Variants in ARID5B observed in about 807,000 individuals in gnomAD.
ARID5B encodes AT-rich interaction domain 5B.
In ARID5B, 13 loss-of-function variants were observed where a neutral mutation model predicts 97.2. The observed-to-expected ratio is 0.13, with a 90% confidence interval of 0.09 to 0.21. The LOEUF is 0.21. Among genes scored for constraint, ARID5B ranks in the 10% least tolerant of loss-of-function variants. ARID5B has a pLI of 1.00. For missense variants in ARID5B, 1,210 were observed against 1,465.3 expected (o/e 0.83, Z 2.84); for synonymous variants, 556 against 570.3 (o/e 0.97, Z 0.36).
intron 2 of ARID5B, among the ~76,000 whole-genome samples, chr10:61,909,239 C>G (rs1293750868): frequency 6.6e-6 from 1 of 151,708 alleles, no homozygotes; most frequent in East Asian, 1.9e-4. Flanking sequence ...CTCCCCCCAC[C>G]ATAGTGCTGT....
chr10:61,970,580 T>G (rs954386320), intron 3 of ARID5B, among the ~76,000 whole-genome samples: 1 of 152,226 alleles, frequency 6.6e-6, no homozygotes, highest in African/African-American at 2.4e-5. Context: ...CCTGTTTTGC[T>G]GTCAGTTTAA....
intron 1 of ARID5B, among the ~76,000 whole-genome samples, 164 bp from the exon 2 acceptor site, chr10:61,901,995 G>A (rs1843624585): frequency 6.8e-6 from 1 of 147,440 alleles, no homozygotes; most frequent in East Asian, 2.0e-4. Context: ...TTTTTTTTAG[G>A]GAAGCAGAAA....
At chr10:61,936,445 C>G (rs1335831531) in intron 2 of ARID5B, among the ~76,000 whole-genome samples, 1 of 152,178 alleles carries the variant, frequency 6.6e-6, no homozygotes, top group African/African-American at 2.4e-5. Context: ...TGGTGAAACC[C>G]TGTCTCTACT....
At chr10:62,025,832 C>CAAAA (rs1839414044) in intron 4 of ARID5B, among the ~76,000 whole-genome samples, 1 of 141,972 alleles carries the variant, frequency 7.0e-6, no homozygotes. Flanking sequence ...AAAAAAAAAG[C>CAAAA]TTATTTGCAT....
intron 7 of ARID5B, among the ~76,000 whole-genome samples, chr10:62,059,547 G>T (rs915518770): frequency 6.6e-6 from 1 of 152,038 alleles, no homozygotes; most frequent in Non-Finnish European, 1.5e-5. Flanking sequence ...AAATTAGTTG[G>T]GTCTGTAATT....
At chr10:61,936,282 A>G (rs1006753102) in intron 2 of ARID5B, among the ~76,000 whole-genome samples, 5 of 152,248 alleles carry the variant, frequency 3.3e-5, no homozygotes, top group African/African-American at 1.2e-4. Context: ...AATAGTAAAT[A>G]CAAAACAAAT....
chr10:62,073,525 C>T (rs930297164), intron 8 of ARID5B, among the ~76,000 whole-genome samples: 6 of 152,176 alleles, frequency 3.9e-5, no homozygotes, highest in African/African-American at 7.2e-5. Flanking sequence ...AGGCCTGACT[C>T]GTACAAACTT....
chr10:61,980,606 C>G (rs776763766), intron 3 of ARID5B, among the ~76,000 whole-genome samples: 1 of 152,200 alleles, frequency 6.6e-6, no homozygotes, highest in Non-Finnish European at 1.5e-5. Context: ...TGTATTATAA[C>G]CATCTTGGAA....
rs1431015093 is a variant in ARID5B at position 62,093,229 on chromosome 10, G to T, written c.*199G>T. 3 of 734,114 alleles carry T rather than the reference G, an allele frequency of 4.1e-6. No homozygotes were observed. The African/African-American group carries it at 5.3e-5, about 13-fold the overall frequency. 45.5% of individuals were successfully genotyped at this position (734,114 alleles called of 1,614,324 possible). ...CTCTAGCCCACAAACTGACTGGCTG[G>T]TGAGTCTTGACTCCCTTCCAACACA... is the stretch of plus-strand genomic sequence containing the variant. On this transcript the variant is annotated 3_prime_UTR_variant, in exon 10 of 10. Coordinates refer to ENST00000279873, the MANE Select transcript of ARID5B (RefSeq NM_032199.3).
chr10:61,927,366 G>C (rs74981914), intron 2 of ARID5B, among the ~76,000 whole-genome samples: 3,393 of 152,196 alleles, frequency 0.022, 125 homozygotes, highest in African/African-American at 0.078. Context: ...TCTAAAAAAT[G>C]AGGAAAATAG....
At position 62,092,325 on chromosome 10, in the gene ARID5B, C is replaced by G; in HGVS notation, c.2862C>G (p.Ala954=). ...AGAGTCGAGACTGTCACCCCAAAGCCTGTCGGGTATCACCCATGACCATGT... is the reference window on the plus strand; with the variant it reads ...AGAGTCGAGACTGTCACCCCAAAGCGTGTCGGGTATCACCCATGACCATGT... ...GSQSRDCHPK[A]CRVSPMTMSG... The change falls in exon 10 of 10, where the codon GCC becomes GCG. Residue 954 remains alanine, a synonymous_variant. Transcript: ENST00000279873. 1 of 1,612,990 alleles carries G rather than the reference C, an allele frequency of 6.2e-7. No homozygotes were observed. The highest frequency in any genetic ancestry group is 8.5e-7 in the Non-Finnish European group (1 of 1,179,488).
chr10:62,082,463 T>G (rs1228264280), intron 8 of ARID5B, among the ~76,000 whole-genome samples: 1 of 152,212 alleles, frequency 6.6e-6, no homozygotes, highest in Non-Finnish European at 1.5e-5. Context: ...ATATTTCTCC[T>G]GTGTAATGAA....
chr10:62,092,395 C>T lies in ARID5B; in HGVS notation c.2932C>T (p.Pro978Ser). 1 of 1,614,188 alleles carries T rather than the reference C, an allele frequency of 6.2e-7. No homozygotes were observed. The highest frequency in any genetic ancestry group is 8.5e-7 in the Non-Finnish European group (1 of 1,180,026). The change falls in exon 10 of 10, where the codon CCT becomes TCT. Residue 978 changes from proline to serine, a missense_variant. Transcript: ENST00000279873. The stretch of plus-strand genomic sequence containing the variant: ...TGAATCGCTTTCAAGATCAGGAAAA[C>T]CTCACCATGTGAGACTGGAGAATTT... ...YPESLSRSGKPHHVRLENFRK... is the reference protein window; with the variant it reads ...YPESLSRSGKSHHVRLENFRK...
Position 61,960,837 on chromosome 10 carries a change from T to C in ARID5B, c.502+20429T>C, listed in dbSNP as rs1363563372. Among the ~76,000 whole-genome samples the C allele has an allele frequency of 2.0e-5, 3 of 152,348 alleles. No homozygotes were observed. The East Asian group carries it at 5.8e-4, about 29-fold the overall frequency. On this transcript the variant is annotated intron_variant, in intron 3 of 9. Coordinates refer to ENST00000279873, the MANE Select transcript of ARID5B (RefSeq NM_032199.3). Reference sequence around the variant, plus strand: ...AATCTTGTACTTGGCAGCAACATAATGTAGTGGTAAGGGACTAAAAGTCTG... The same window carrying C: ...AATCTTGTACTTGGCAGCAACATAACGTAGTGGTAAGGGACTAAAAGTCTG...
At chr10:62,055,660 T>C (rs1005655348) in intron 5 of ARID5B, among the ~76,000 whole-genome samples, 1 of 152,224 alleles carries the variant, frequency 6.6e-6, no homozygotes, top group Non-Finnish European at 1.5e-5. Context: ...AAAATTGTTT[T>C]AGTCCCATTT....
At position 61,928,759 on chromosome 10, in the gene ARID5B, T is replaced by C. The variant is rs1844151709; in HGVS notation, c.277-11424T>C. Among the ~76,000 whole-genome samples, 4 of 152,242 alleles carry C rather than the reference T, an allele frequency of 2.6e-5. 1 individual carries two copies. In the South Asian group the frequency reaches 8.3e-4, roughly 32 times the overall value. The stretch of plus-strand genomic sequence containing the variant: ...TGACCAGTGAAAGCTTCATCTTGTT[T>C]GATCCATATTACCATCCTGTCTTTT... On this transcript the variant is annotated intron_variant, in intron 2 of 9. Coordinates refer to ENST00000279873, the MANE Select transcript of ARID5B (RefSeq NM_032199.3).
At chr10:62,061,384 G>C (rs1839919368) in intron 7 of ARID5B, among the ~76,000 whole-genome samples, 1 of 152,230 alleles carries the variant, frequency 6.6e-6, no homozygotes. Flanking sequence ...TATGGAGGTA[G>C]AATAAGGTTG....
rs900588442 is a variant in ARID5B at position 62,043,163 on chromosome 10, A to G, written c.734-7725A>G. On this transcript the variant is annotated intron_variant, in intron 4 of 9. Transcript: ENST00000279873. Reference sequence around the variant, plus strand: ...GCAGACAGCCAAATAGACCAGAGAGAAGGTGAGAGTTGGAAAGGTCTGGCA... The same window carrying G: ...GCAGACAGCCAAATAGACCAGAGAGGAGGTGAGAGTTGGAAAGGTCTGGCA... Among the ~76,000 whole-genome samples the G allele has an allele frequency of 2.0e-5, 3 of 152,060 alleles. No homozygotes were observed. The East Asian group carries it at 5.8e-4, about 29-fold the overall frequency.
intron 8 of ARID5B, among the ~76,000 whole-genome samples, chr10:62,076,053 T>A (rs1840128336): frequency 6.6e-6 from 1 of 152,174 alleles, no homozygotes; most frequent in Non-Finnish European, 1.5e-5. Flanking sequence ...TGCCACCACA[T>A]TCATAGCTGA....
Sources: allele counts gnomAD v4.1 joint callset (sites outside exome capture counted in the v4.1 genomes callset), GRCh38; gene constraint gnomAD v4.1.1; transcripts MANE v1.5; gene names NCBI Gene and HGNC (gene_info 2026-07-23, HGNC 2026-07-21).